The following MAEL variants were observed in gnomAD, a reference collection of about 807,000 sequenced individuals.
MAEL encodes protein maelstrom homolog.
MAEL carries 46 observed loss-of-function variants against 62.0 expected under a neutral mutation model. That is an observed-to-expected ratio of 0.74 (90% CI 0.59 to 0.95). The LOEUF (loss-of-function observed/expected upper bound fraction) is 0.95, where lower values mean the gene tolerates loss of function less well. Ranked by LOEUF, MAEL falls within the 40% of genes least tolerant of loss-of-function variation. MAEL has a pLI of 0.00. For missense variants in MAEL, 497 were observed against 526.8 expected (o/e 0.94, Z 0.55); for synonymous variants, 172 against 175.5 (o/e 0.98, Z 0.16).
chr1:167,001,835 G>A (rs528864532), intron 5 of MAEL, among the ~76,000 whole-genome samples: 1 of 152,328 alleles, frequency 6.6e-6, no homozygotes, highest in Non-Finnish European at 1.5e-5. Context: ...AGGCTAGAGT[G>A]CAGTGGCATG....
chr1:167,006,135 T>C (rs931553146), intron 8 of MAEL: 14 of 152,084 alleles, frequency 9.2e-5, no homozygotes, highest in African/African-American at 2.9e-4. Flanking sequence ...ATTACCATAG[T>C]GTAATGATCA....
chr1:167,008,549 G>A lies in MAEL; in HGVS notation c.845+3152G>A, dbSNP rs546153414. ...TCTTTTTTAATTTTTCAAAACAATA[G>A]GATTTTAATTTATTAGACCTGTTTT... is the stretch of plus-strand genomic sequence containing the variant. On this transcript the variant is annotated intron_variant, in intron 8 of 11. Coordinates refer to ENST00000367872, the MANE Select transcript of MAEL (RefSeq NM_032858.3). Among the ~76,000 whole-genome samples, 342 of 151,860 alleles carry A rather than the reference G, an allele frequency of 2.3e-3. 3 individuals are homozygous for A. Among genetic ancestry groups the A allele is most frequent in the African/African-American group, 7.9e-3 (326 of 41,452 alleles).
intron 8 of MAEL, among the ~76,000 whole-genome samples, chr1:167,008,102 T>C (rs1665009451): frequency 6.6e-6 from 1 of 152,174 alleles, no homozygotes; most frequent in South Asian, 2.1e-4. Context: ...TTGCATTAAA[T>C]TTATAAATTA....
intron 8 of MAEL, among the ~76,000 whole-genome samples, chr1:167,011,236 T>A (rs1351894379): frequency 2.0e-5 from 3 of 152,216 alleles, no homozygotes; most frequent in African/African-American, 7.2e-5. Flanking sequence ...GGTAGGAGAT[T>A]GAGAAATTGC....
At chr1:166,989,877 A>C (rs1664088646) in intron 2 of MAEL, 48 bp downstream of exon 2, 1 of 1,469,294 alleles carries the variant, frequency 6.8e-7, no homozygotes, top group Non-Finnish European at 9.4e-7. Flanking sequence ...ACATAGGCAT[A>C]TTCAGTAAAG....
At chr1:167,001,611 A>G (rs1287739344) in intron 5 of MAEL, among the ~76,000 whole-genome samples, 2 of 152,156 alleles carry the variant, frequency 1.3e-5, no homozygotes, top group South Asian at 2.1e-4. Flanking sequence ...AAACCAAAAT[A>G]TTTGTGTGAC....
chr1:166,994,331 TGGG>T (rs1664316775), intron 5 of MAEL, among the ~76,000 whole-genome samples: 1 of 152,218 alleles, frequency 6.6e-6, no homozygotes, highest in South Asian at 2.1e-4. Context: ...TCTTAGTGGC[TGGG>T]TACTTAGGAA....
At chr1:167,005,555 ATT>A (rs71699832) in intron 8 of MAEL, 158 bp downstream of exon 8, 63,194 of 619,042 alleles carry the variant, frequency 0.1, 4,667 homozygotes, top group East Asian at 0.33. Flanking sequence ...AGTAAGATAT[ATT>A]GTTACTTGTG....
rs749799217 is a variant in MAEL at position 167,005,360 on chromosome 1, C to T, written c.808C>T (p.Leu270=). ...CTCTAAGACTTGGATTCGAAGCCTC[C>T]TAGATGTGGCCATGTGGGATTATTC... ...EPSKTWIRSL[L]DVAMWDYSSN... The change falls in exon 8 of 12, where the codon CTA becomes TTA. Residue 270 remains leucine, a synonymous_variant. Coordinates refer to ENST00000367872, the MANE Select transcript of MAEL (RefSeq NM_032858.3). The T allele has an allele frequency of 5.6e-6, 9 of 1,612,980 alleles. No individual in the cohort carries two copies. In the South Asian group the frequency reaches 6.6e-5, roughly 12 times the overall value.
At chr1:167,009,262 A>G (rs1302127362) in intron 8 of MAEL, among the ~76,000 whole-genome samples, 7 of 152,194 alleles carry the variant, frequency 4.6e-5, no homozygotes, top group Non-Finnish European at 1.0e-4. Context: ...TCAGGGGCTC[A>G]TGGAAGAGTA....
At position 166,994,000 on chromosome 1, in the gene MAEL, C is replaced by T. The variant is rs1389060198; in HGVS notation, c.482-28C>T. On this transcript the variant is annotated intron_variant, in intron 4 of 11. Transcript: ENST00000367872. ...GCACTAGAGAACTTTAAAATTTTTG[C>T]TTCTCAACAAGATATTTTGTATTAT... 2.5e-6 allele frequency: 4 copies of T among 1,603,908 alleles called. No homozygotes were observed. The South Asian group carries it at 3.3e-5, about 13-fold the overall frequency.
chr1:166,996,969 G>A (rs772546033), intron 5 of MAEL, among the ~76,000 whole-genome samples: 1 of 152,184 alleles, frequency 6.6e-6, no homozygotes, highest in East Asian at 1.9e-4. Flanking sequence ...TGGGATTACA[G>A]GTGTGCATCA....
At chr1:167,004,587 C>G (rs1180299255) in intron 6 of MAEL, among the ~76,000 whole-genome samples, 1 of 152,100 alleles carries the variant, frequency 6.6e-6, no homozygotes, top group Non-Finnish European at 1.5e-5. Context: ...TCTTTTTACC[C>G]TTAAGAATGG....
chr1:167,004,927 A>C (rs1458979453), intron 6 of MAEL, 149 bp from the exon 7 acceptor site: 2 of 639,714 alleles, frequency 3.1e-6, no homozygotes, highest in African/African-American at 3.7e-5. Flanking sequence ...TATAGTTTTC[A>C]TTTCATTGGC....
chr1:167,008,916 T>C (rs980339423), intron 8 of MAEL, among the ~76,000 whole-genome samples: 3 of 151,696 alleles, frequency 2.0e-5, no homozygotes, highest in Non-Finnish European at 4.4e-5. Flanking sequence ...TTTATAATAT[T>C]TTTACTTTAT....
At chr1:167,021,561 G>GGCTTA (rs1665630199) in intron 11 of MAEL, 107 bp from the exon 12 acceptor site, 1 of 730,002 alleles carries the variant, frequency 1.4e-6, no homozygotes, top group Admixed American at 3.5e-5. Flanking sequence ...GTTGAATTAT[G>GGCTTA]GCTTAGTGAA....
chr1:167,020,465 T>A (rs1202896774), intron 10 of MAEL, among the ~76,000 whole-genome samples: 1 of 152,182 alleles, frequency 6.6e-6, no homozygotes, highest in Non-Finnish European at 1.5e-5. Context: ...GCCTTTATTG[T>A]TGCCTGACAT....
upstream of MAEL, chr1:166,989,218 T>G (rs566974864): frequency 1.2e-4 from 140 of 1,182,056 alleles, no homozygotes; most frequent in African/African-American, 2.0e-3. Context: ...GCAATGCGAC[T>G]GCGCGTCGCT....
At chr1:167,011,254 G>GA (rs1259980221) in intron 8 of MAEL, among the ~76,000 whole-genome samples, 2 of 152,116 alleles carry the variant, frequency 1.3e-5, no homozygotes, top group African/African-American at 4.8e-5. Context: ...TGCTCCATTG[G>GA]AAATTACAGT....
Sources: allele counts gnomAD v4.1 joint callset (sites outside exome capture counted in the v4.1 genomes callset), GRCh38; gene constraint gnomAD v4.1.1; transcripts MANE v1.5; gene names NCBI Gene and HGNC (gene_info 2026-07-23, HGNC 2026-07-21).